Variants in AKAP8 observed in about 807,000 individuals in gnomAD.
AKAP8 encodes the protein A-kinase anchoring protein 8, also known as A-kinase anchor protein 8.
AKAP8 carries 24 observed loss-of-function variants against 67.5 expected under a neutral mutation model. That is an observed-to-expected ratio of 0.36 (90% confidence interval 0.26 to 0.50). The LOEUF (loss-of-function observed/expected upper bound fraction) is 0.50. Ranked by LOEUF, AKAP8 falls within the 20% of genes least tolerant of loss-of-function variation. The pLI is 0.97. For synonymous variants in AKAP8, 400 were observed against 371.1 expected (o/e 1.08, Z -0.90); for missense variants, 971 against 955.9 (o/e 1.02, Z -0.21).
In AKAP8 at chr19:15,360,922, C is replaced by T. The variant is rs1281399736; in HGVS notation, c.1453G>A (p.Asp485Asn). 6.2e-6 allele frequency: 10 copies of T among 1,613,578 alleles called. No individual in the cohort carries two copies. Among genetic ancestry groups the T allele is most frequent in the East Asian group, 2.2e-5 (1 of 44,882 alleles). ...KIEAAHCLAC[D>N]MLIPAQPQLL... ...TGCGGCTGTGCAGGAATTAGCATGT[C>T]GCAGGCCAGGCAGTGAGCAGCCTCG... The change falls in exon 12 of 14, where the codon GAC becomes AAC. Residue 485 changes from aspartate to asparagine, a missense_variant. Asp to Asn is a conservative substitution (Grantham distance 23). This residue lies in a region of AKAP8 where 763 missense variants were observed against 745.4 expected (regional missense o/e 1.02). Coordinates refer to ENST00000269701, the MANE Select transcript of AKAP8 (RefSeq NM_005858.4).
Position 15,355,352 on chromosome 19 carries a change from TG to T in AKAP8, c.1641del (p.Ser548ValfsTer14). The stretch of plus-strand genomic sequence containing the variant: ...TCCATTTCTGGATCAACAGTTTCAC[TG>T]GTGAAAGGGTCCTCACCCTGGCCAA... ...EKYLKGEDPF[T>X]SETVDPEMEG... On this transcript the variant is annotated frameshift_variant, in exon 14 of 14. Transcript: ENST00000269701. LOFTEE classifies it low-confidence loss of function (END_TRUNC). 6.2e-7 allele frequency: 1 copy of T among 1,613,448 alleles called. No homozygotes were observed. The highest frequency in any genetic ancestry group is 8.5e-7 in the Non-Finnish European group (1 of 1,179,898).
intron 5 of AKAP8, among the ~76,000 whole-genome samples, 169 bp downstream of exon 5, chr19:15,372,682 A>T (rs1967179890): frequency 6.6e-6 from 1 of 152,194 alleles, no homozygotes; most frequent in Admixed American, 6.5e-5. Context: ...ATAAATGCTA[A>T]GATTAGACTG....
chr19:15,372,065 A>G (rs754082355), intron 6 of AKAP8, 67 bp from the exon 7 acceptor site: 14 of 1,611,094 alleles, frequency 8.7e-6, no homozygotes, highest in African/African-American at 1.3e-5. Flanking sequence ...CCGCCCTCCC[A>G]AGCTCGCCAT....
In AKAP8 at chr19:15,369,737, A is replaced by G. The variant is rs1967123762; in HGVS notation, c.1072+409T>C. Among the ~76,000 whole-genome samples, 1 of 152,216 alleles carries G rather than the reference A, an allele frequency of 6.6e-6. No individual in the cohort carries two copies. The highest frequency in any genetic ancestry group is 2.4e-5 in the African/African-American group (1 of 41,460). ...ACCACAGAGGCCCACAGCACAGCCC[A>G]GGGCAGGCGACTGAAGGAACTGGAC... On this transcript the variant is annotated intron_variant, in intron 8 of 13. Transcript: ENST00000269701. The surrounding 1 kb of genome is among the most constrained non-coding windows in gnomAD (Gnocchi z 4.6).
chr19:15,376,340 C>A (rs1599574404), intron 2 of AKAP8, among the ~76,000 whole-genome samples: 1 of 152,206 alleles, frequency 6.6e-6, no homozygotes, highest in Admixed American at 6.5e-5. Flanking sequence ...CATGGTAAAA[C>A]CCTGTCTCTA....
intron 13 of AKAP8, among the ~76,000 whole-genome samples, 153 bp downstream of exon 13, chr19:15,358,814 G>A (rs545833432): frequency 6.6e-6 from 1 of 152,270 alleles, no homozygotes; most frequent in East Asian, 1.9e-4. Context: ...AATCCCAGTT[G>A]TCATGTTCCT....
intron 9 of AKAP8, among the ~76,000 whole-genome samples, chr19:15,366,640 G>A (rs1050014520): frequency 6.6e-6 from 1 of 151,344 alleles, no homozygotes; most frequent in African/African-American, 2.4e-5. Context: ...ATAGAGTTTC[G>A]CTCTTGTTGC....
intron 12 of AKAP8, 106 bp downstream of exon 12, chr19:15,360,742 C>T: frequency 7.3e-7 from 1 of 1,368,990 alleles, no homozygotes. Flanking sequence ...AGACTTGAAA[C>T]ATAGCAAGAA....
In AKAP8 at chr19:15,363,190, G is replaced by A. The variant is rs1255505553; in HGVS notation, c.1161-939C>T. Among the ~76,000 whole-genome samples the A allele has an allele frequency of 2.9e-3, 432 of 151,310 alleles. 2 individuals carry two copies. The highest frequency in any genetic ancestry group is 4.9e-3 in the Non-Finnish European group (330 of 67,776). On this transcript the variant is annotated intron_variant, in intron 9 of 13. Coordinates refer to ENST00000269701, the MANE Select transcript of AKAP8 (RefSeq NM_005858.4). ...CCACCCCGTCTGGGAAGTGAGGAGC[G>A]TCTCCGCCCGGCAGCCACCTTGTCC...
chr19:15,360,315 A>C (rs1425305622), intron 12 of AKAP8, among the ~76,000 whole-genome samples: 1 of 152,214 alleles, frequency 6.6e-6, no homozygotes, highest in Non-Finnish European at 1.5e-5. Flanking sequence ...ACGCAGCCAC[A>C]GGCACTCTTC....
At chr19:15,364,832 T>G (rs1282205266) in intron 9 of AKAP8, among the ~76,000 whole-genome samples, 1 of 151,382 alleles carries the variant, frequency 6.6e-6, no homozygotes, top group Admixed American at 6.6e-5. Context: ...TTGCTCAGGC[T>G]GTTCTCAAAC....
chr19:15,374,640 G>T lies in AKAP8; in HGVS notation c.59-5C>A. 3 of 1,613,404 alleles carry T rather than the reference G, an allele frequency of 1.9e-6. No homozygotes were observed. The highest frequency in any genetic ancestry group is 2.5e-6 in the Non-Finnish European group (3 of 1,179,674). ...CCACACCAGTTCCATATGCACCTTAGGGGAAACAGAAACACACAAGAGCCC... is the reference window on the plus strand; with the variant it reads ...CCACACCAGTTCCATATGCACCTTATGGGAAACAGAAACACACAAGAGCCC... On this transcript the variant is annotated splice_region_variant and splice_polypyrimidine_tract_variant and intron_variant, in intron 2 of 13. Coordinates refer to ENST00000269701, the MANE Select transcript of AKAP8 (RefSeq NM_005858.4).
Position 15,361,839 on chromosome 19 carries a change from A to G in AKAP8, c.1303-17T>C, listed in dbSNP as rs2145065285. The G allele has an allele frequency of 6.2e-7, 1 of 1,602,582 alleles. No individual in the cohort carries two copies. The highest frequency in any genetic ancestry group is 8.5e-7 in the Non-Finnish European group (1 of 1,169,742). The stretch of plus-strand genomic sequence containing the variant: ...AATGTATTCCTAGGTGGGATTGGAG[A>G]GGGCATAAAGTAAAATGAGAGGTGG... On this transcript the variant is annotated splice_polypyrimidine_tract_variant and intron_variant, in intron 10 of 13. Transcript: ENST00000269701.
intron 8 of AKAP8, 72 bp from the exon 9 acceptor site, chr19:15,368,394 G>A (rs1568426842): frequency 4.0e-5 from 65 of 1,605,656 alleles, no homozygotes; most frequent in Non-Finnish European, 5.2e-5. Context: ...GCCTGGTCGG[G>A]GGGCTGCAGC....
intron 9 of AKAP8, among the ~76,000 whole-genome samples, chr19:15,363,010 G>A (rs1231159482): frequency 1.5e-4 from 22 of 150,000 alleles, no homozygotes; most frequent in South Asian, 4.2e-4. Context: ...CTGCCCTGCC[G>A]CCCCGTCCGG....
At chr19:15,375,535 G>T (rs1348197438) in intron 2 of AKAP8, among the ~76,000 whole-genome samples, 2 of 151,774 alleles carry the variant, frequency 1.3e-5, no homozygotes, top group Admixed American at 6.6e-5. Flanking sequence ...AAAACTCAGA[G>T]AACTATACAA....
chr19:15,366,643 CTT>C (rs904748806), intron 9 of AKAP8, among the ~76,000 whole-genome samples: 2 of 151,744 alleles, frequency 1.3e-5, no homozygotes, highest in Admixed American at 6.6e-5. Context: ...GAGTTTCGCT[CTT>C]GTTGCCCAGG....
intron 13 of AKAP8, 113 bp downstream of exon 13, chr19:15,358,854 T>C (rs955258306): frequency 1.6e-5 from 15 of 963,384 alleles, no homozygotes; most frequent in Non-Finnish European, 2.0e-5. Context: ...GTCCCTCAAC[T>C]GTCAAAAGAC....
Position 15,374,757 on chromosome 19 carries a change from G to A in AKAP8, c.59-122C>T, listed in dbSNP as rs191658880. 1.7e-4 allele frequency: 195 copies of A among 1,130,408 alleles called. 1 individual carries two copies. In the Admixed American group the frequency reaches 2.0e-3, roughly 12 times the overall value. 70.0% of individuals were successfully genotyped at this position (1,130,408 alleles called of 1,614,324 possible). ...CAGGGCTTCCCTCCGCAGCGCTCAG[G>A]GAGACACCCTTGGGTGTTTTTAGCT... On this transcript the variant is annotated intron_variant, in intron 2 of 13. Transcript: ENST00000269701.
Sources: allele counts gnomAD v4.1 joint callset (sites outside exome capture counted in the v4.1 genomes callset), GRCh38; gene constraint gnomAD v4.1.1; regional missense constraint gnomAD v4.1.1; non-coding constraint Gnocchi (gnomAD v3.1); transcripts MANE v1.5; gene names NCBI Gene and HGNC (gene_info 2026-07-23, HGNC 2026-07-21).